The following CYFIP1 variants were observed in gnomAD, a reference collection of about 807,000 sequenced individuals.
CYFIP1 encodes cytoplasmic FMR1-interacting protein 1.
A neutral mutation model predicts 163.5 loss-of-function variants in CYFIP1; 58 were observed. The observed-to-expected ratio is 0.35, with a 90% CI of 0.29 to 0.44. The LOEUF is 0.44. CYFIP1 is among the 20% of genes least tolerant of loss of function. The probability of loss-of-function intolerance (pLI) is 1.00; values close to 1 mark genes in which losing one functional copy is unlikely to be tolerated. For synonymous variants in CYFIP1, 663 were observed against 660.7 expected (o/e 1.00, Z -0.05); for missense variants, 1,338 against 1,653.8 (o/e 0.81, Z 3.31).
At chr15:22,964,353 T>TCACACA (rs71117466) in intron 1 of CYFIP1, among the ~76,000 whole-genome samples, 3,474 of 78,436 alleles carry the variant, frequency 0.044, 112 homozygotes, top group East Asian at 0.054. Context: ...ACCTCATCAC[T>TCACACA]CACACACACA....
At chr15:22,964,198 T>G (rs2062802996) in intron 1 of CYFIP1, among the ~76,000 whole-genome samples, 1 of 148,366 alleles carries the variant, frequency 6.7e-6, no homozygotes, top group East Asian at 2.0e-4. Flanking sequence ...GAGCAGCTAC[T>G]TTCCCAGCCA....
intron 14 of CYFIP1, 45 bp downstream of exon 14, chr15:22,918,647 G>A (rs757035524): frequency 1.8e-5 from 26 of 1,484,636 alleles, no homozygotes; most frequent in Admixed American, 1.2e-4. Context: ...AAGTTCATCC[G>A]AGGACGTGTG....
intron 21 of CYFIP1, among the ~76,000 whole-genome samples, chr15:22,907,779 T>C (rs7182936): frequency 0.33 from 49,792 of 152,078 alleles, 9,398 homozygotes; most frequent in African/African-American, 0.52. Flanking sequence ...AGAGCTGTGG[T>C]TCGGGGGCCC....
At chr15:22,920,329 TA>T (rs2061132667) in intron 13 of CYFIP1, among the ~76,000 whole-genome samples, 1 of 152,030 alleles carries the variant, frequency 6.6e-6, no homozygotes, top group Non-Finnish European at 1.5e-5. Flanking sequence ...CATGCTTGGC[TA>T]GGCATCTTCC....
At chr15:22,896,639 T>G (rs1187723619) in intron 22 of CYFIP1, among the ~76,000 whole-genome samples, 1 of 152,188 alleles carries the variant, frequency 6.6e-6, no homozygotes, top group African/African-American at 2.4e-5. Context: ...TTCTAGATAC[T>G]GCATTTCAGC....
At chr15:22,892,227 T>C (rs1376967157) in intron 23 of CYFIP1, among the ~76,000 whole-genome samples, 1 of 152,230 alleles carries the variant, frequency 6.6e-6, no homozygotes, top group African/African-American at 2.4e-5. Context: ...TATCTGCTCA[T>C]TTCATCTCTC....
intron 1 of CYFIP1, among the ~76,000 whole-genome samples, chr15:22,967,697 T>A (rs1381675140): frequency 6.6e-6 from 1 of 152,020 alleles, no homozygotes; most frequent in African/African-American, 2.4e-5. Flanking sequence ...CCATCACAGG[T>A]CACAGTCAAT....
intron 28 of CYFIP1, among the ~76,000 whole-genome samples, chr15:22,873,959 T>C (rs1278973269): frequency 6.6e-6 from 1 of 152,144 alleles, no homozygotes; most frequent in Non-Finnish European, 1.5e-5. Flanking sequence ...GGTTTCGCCA[T>C]GTTGCCCAGG....
intron 26 of CYFIP1, among the ~76,000 whole-genome samples, chr15:22,875,674 A>G (rs2059560961): frequency 6.6e-6 from 1 of 151,924 alleles, no homozygotes; most frequent in Non-Finnish European, 1.5e-5. Flanking sequence ...GTTTATGACA[A>G]GATCCCACCA....
chr15:22,945,924 T>C (rs2062043724), intron 3 of CYFIP1, among the ~76,000 whole-genome samples: 1 of 152,098 alleles, frequency 6.6e-6, no homozygotes, highest in African/African-American at 2.4e-5. Flanking sequence ...AGGAAGTCAA[T>C]GCGCAAAAAT....
At chr15:22,975,657 G>T (rs944356029) in intron 1 of CYFIP1, among the ~76,000 whole-genome samples, 1 of 152,106 alleles carries the variant, frequency 6.6e-6, no homozygotes, top group Non-Finnish European at 1.5e-5. Flanking sequence ...TACTTGGGAG[G>T]CTGAGGCAGG....
chr15:22,870,330 T>TTC lies in CYFIP1; in HGVS notation c.3598-139_3598-138insGA, dbSNP rs1295718745. On this transcript the variant is annotated intron_variant, in intron 30 of 30. Transcript: ENST00000617928. ...TGACACACATACTGTTCTTTTTGGGTTTTTTTTTGTAAGATAGGGTCTCAC... is the reference window on the plus strand; with the variant it reads ...TGACACACATACTGTTCTTTTTGGGTTCTTTTTTTTGTAAGATAGGGTCTCAC... The TTC allele has an allele frequency of 5.6e-6, 5 of 885,746 alleles. No individual in the cohort carries two copies. In the Admixed American group the frequency reaches 2.8e-4, roughly 49 times the overall value. 54.9% of individuals were successfully genotyped at this position (885,746 alleles called of 1,614,324 possible).
chr15:22,879,872 T>TGGGCTGGGGC (rs2059702268), intron 26 of CYFIP1, 41 bp downstream of exon 26: 1 of 1,070,594 alleles, frequency 9.3e-7, no homozygotes, highest in Non-Finnish European at 1.2e-6. Flanking sequence ...TGGGGTGGGG[T>TGGGCTGGGGC]GGGCTGGGGC....
intron 21 of CYFIP1, among the ~76,000 whole-genome samples, chr15:22,906,700 C>T (rs886227170): frequency 2.6e-5 from 4 of 151,774 alleles, no homozygotes; most frequent in African/African-American, 9.7e-5. Context: ...CTCCTGACCT[C>T]GTGATCCGCC....
intron 13 of CYFIP1, 22 bp downstream of exon 13, chr15:22,925,960 G>A: frequency 6.2e-7 from 1 of 1,610,198 alleles, no homozygotes; most frequent in Non-Finnish European, 8.5e-7. Context: ...ATGAGGAAGA[G>A]CGAGCGGCCG....
chr15:22,976,357 T>C (rs543997019), intron 1 of CYFIP1, among the ~76,000 whole-genome samples: 15 of 152,190 alleles, frequency 9.9e-5, no homozygotes, highest in East Asian at 9.7e-4. Flanking sequence ...AGGGTTTCAC[T>C]ATGTTGGCCA....
intron 1 of CYFIP1, among the ~76,000 whole-genome samples, chr15:22,959,080 C>G (rs2062585070): frequency 6.6e-6 from 1 of 152,142 alleles, no homozygotes. Flanking sequence ...CAGCCCAGGG[C>G]TGGGCTACCA....
chr15:22,869,758 AG>A lies in CYFIP1; in HGVS notation c.*269del, dbSNP rs1662380373. 1 of 295,202 alleles carries A rather than the reference AG, an allele frequency of 3.4e-6. No individual in the cohort carries two copies. Among genetic ancestry groups the A allele is most frequent in the African/African-American group, 2.2e-5 (1 of 45,892 alleles). 18.3% of individuals were successfully genotyped at this position (295,202 alleles called of 1,614,324 possible). A position where few individuals can be genotyped will look rare whatever the true frequency, so the allele number is the denominator to read the frequency against. ...TGAACCCAGCAGCATTTTATGACAC[AG>A]CTGCCAGAACATCCCATAGAAAAAC... On this transcript the variant is annotated 3_prime_UTR_variant, in exon 31 of 31. Transcript: ENST00000617928.
At chr15:22,965,618 C>T (rs1258410272) in intron 1 of CYFIP1, among the ~76,000 whole-genome samples, 1 of 152,182 alleles carries the variant, frequency 6.6e-6, no homozygotes, top group East Asian at 1.9e-4. Flanking sequence ...AAGTGCCTAA[C>T]AATGCATTTC....
Sources: gnomAD v4.1 joint callset for allele counts (sites outside exome capture counted in the v4.1 genomes callset) on GRCh38, gnomAD v4.1.1 for gene constraint, MANE v1.5 for transcripts, NCBI Gene and HGNC (gene_info 2026-07-23, HGNC 2026-07-21) for gene names.